The following RIT2 variants were observed in gnomAD, a reference collection of about 807,000 sequenced individuals.
RIT2 encodes GTP-binding protein Rit2.
RIT2 carries 24 observed loss-of-function variants against 23.7 expected under a neutral mutation model. The ratio of observed to expected loss-of-function variants is 1.01; its 90% CI spans 0.73 to 1.43. The LOEUF (loss-of-function observed/expected upper bound fraction) is 1.43, where lower values mean the gene tolerates loss of function less well. Among genes scored for constraint, RIT2 ranks in the 40% most tolerant of loss-of-function variants. RIT2 has a pLI of 0.00. For synonymous variants in RIT2, 107 were observed against 91.1 expected (o/e 1.17, Z -0.99); for missense variants, 236 against 266.9 (o/e 0.88, Z 0.81).
intron 3 of RIT2, among the ~76,000 whole-genome samples, chr18:42,937,982 G>A (rs541500225): frequency 6.6e-6 from 1 of 152,190 alleles, no homozygotes; most frequent in Admixed American, 6.5e-5. Flanking sequence ...TGGCTGTGGG[G>A]GATTACTTTG....
intron 2 of RIT2, among the ~76,000 whole-genome samples, chr18:42,984,808 C>T (rs889592001): frequency 3.9e-5 from 6 of 151,956 alleles, no homozygotes; most frequent in Non-Finnish European, 7.4e-5. Flanking sequence ...CTAAACAAAA[C>T]CGAAAGCTAA....
chr18:42,860,121 A>G (rs1408830688), intron 4 of RIT2, among the ~76,000 whole-genome samples: 2 of 152,184 alleles, frequency 1.3e-5, no homozygotes, highest in African/African-American at 4.8e-5. Flanking sequence ...TCCAACTCCA[A>G]CCCAGGACAA....
At chr18:42,967,250 A>T (rs1048123156) in intron 3 of RIT2, among the ~76,000 whole-genome samples, 6 of 152,200 alleles carry the variant, frequency 3.9e-5, no homozygotes, top group African/African-American at 1.4e-4. Context: ...CAACACTGTG[A>T]TTGGCTTCTA....
intron 3 of RIT2, among the ~76,000 whole-genome samples, chr18:42,965,061 T>C (rs1405029423): frequency 6.6e-6 from 1 of 152,212 alleles, no homozygotes; most frequent in Non-Finnish European, 1.5e-5. Context: ...ACATCTTGGC[T>C]ATGTTGCAAA....
At chr18:42,989,657 T>G (rs1469834275) in intron 2 of RIT2, among the ~76,000 whole-genome samples, 1 of 152,172 alleles carries the variant, frequency 6.6e-6, no homozygotes, top group African/African-American at 2.4e-5. Context: ...AAAGCCCACA[T>G]AGCTCATGGT....
intron 4 of RIT2, among the ~76,000 whole-genome samples, chr18:42,748,043 C>A (rs1912959059): frequency 6.6e-6 from 1 of 151,986 alleles, no homozygotes; most frequent in Non-Finnish European, 1.5e-5. Flanking sequence ...ATACTTGGGA[C>A]TTAATTAAAC....
At chr18:42,791,195 TTTC>T (rs1431837497) in intron 4 of RIT2, among the ~76,000 whole-genome samples, 3 of 152,218 alleles carry the variant, frequency 2.0e-5, no homozygotes, top group East Asian at 1.9e-4. Flanking sequence ...ATAATCTAAT[TTTC>T]TTTTTTTCTT....
At chr18:42,999,648 T>G (rs1911060295) in intron 2 of RIT2, among the ~76,000 whole-genome samples, 1 of 152,040 alleles carries the variant, frequency 6.6e-6, no homozygotes, top group Non-Finnish European at 1.5e-5. Context: ...AGAAACTGAA[T>G]GTGAAACAGT....
intron 2 of RIT2, among the ~76,000 whole-genome samples, chr18:42,982,077 G>A (rs748579232): frequency 6.6e-6 from 1 of 152,138 alleles, no homozygotes; most frequent in Non-Finnish European, 1.5e-5. Context: ...TTTCACAAAT[G>A]CAGATGTACA....
At chr18:43,035,112 T>C (rs535725955) in intron 1 of RIT2, among the ~76,000 whole-genome samples, 3 of 152,350 alleles carry the variant, frequency 2.0e-5, no homozygotes, top group African/African-American at 7.2e-5. Flanking sequence ...CAGAGAAGAC[T>C]TAGTTACATT....
At chr18:43,031,425 T>A (rs1328300585) in intron 2 of RIT2, among the ~76,000 whole-genome samples, 1 of 151,904 alleles carries the variant, frequency 6.6e-6, no homozygotes, top group East Asian at 1.9e-4. Flanking sequence ...CCATTCTACC[T>A]GAGTCAGTGT....
At chr18:42,994,971 C>T (rs866578051) in intron 2 of RIT2, among the ~76,000 whole-genome samples, 1 of 152,166 alleles carries the variant, frequency 6.6e-6, no homozygotes. Context: ...CCGGATACCA[C>T]ACCTGACCTG....
At position 42,787,331 on chromosome 18, in the gene RIT2, C is replaced by T. The variant is rs150988038; in HGVS notation, c.427-43611G>A. On this transcript the variant is annotated intron_variant, in intron 4 of 4. Transcript: ENST00000326695. ...AACTCATACTTTTTTATGTAAATGGCGAGTTAATGGGTGCAGCACACCAAC... is the reference window on the plus strand; with the variant it reads ...AACTCATACTTTTTTATGTAAATGGTGAGTTAATGGGTGCAGCACACCAAC... Among the ~76,000 whole-genome samples the T allele has an allele frequency of 4.0e-3, 609 of 151,522 alleles. 2 individuals carry two copies. Among genetic ancestry groups the T allele is most frequent in the Admixed American group, 6.9e-3 (105 of 15,216 alleles).
At chr18:43,105,161 G>T (rs1913783430) in intron 1 of RIT2, among the ~76,000 whole-genome samples, 1 of 147,654 alleles carries the variant, frequency 6.8e-6, no homozygotes, top group African/African-American at 2.5e-5. Context: ...TTTGTGTGTG[G>T]TATGGGTCAA....
intron 3 of RIT2, among the ~76,000 whole-genome samples, chr18:42,963,561 A>G (rs1910141459): frequency 6.6e-6 from 1 of 152,178 alleles, no homozygotes; most frequent in South Asian, 2.1e-4. Flanking sequence ...TTTTTATAAT[A>G]CCTTTCTTTG....
chr18:43,074,039 G>T (rs1173799952), intron 1 of RIT2, among the ~76,000 whole-genome samples: 1 of 151,990 alleles, frequency 6.6e-6, no homozygotes, highest in African/African-American at 2.4e-5. Flanking sequence ...GTGAAAAAAT[G>T]GGTAGTTTTA....
chr18:42,769,207 C>T (rs968832984), intron 4 of RIT2, among the ~76,000 whole-genome samples: 1 of 152,118 alleles, frequency 6.6e-6, no homozygotes, highest in African/African-American at 2.4e-5. Context: ...TCGTTAGGGG[C>T]TCTGAGTCCA....
chr18:43,000,091 C>G (rs187621009), intron 2 of RIT2, among the ~76,000 whole-genome samples: 33 of 152,162 alleles, frequency 2.2e-4, no homozygotes, highest in Non-Finnish European at 3.1e-4. Context: ...GACTTGCAAT[C>G]TCAGTTGACA....
intron 1 of RIT2, among the ~76,000 whole-genome samples, chr18:43,096,948 A>G (rs1913568572): frequency 6.6e-6 from 1 of 151,916 alleles, no homozygotes; most frequent in African/African-American, 2.4e-5. Flanking sequence ...ATGAAGGGAT[A>G]AAGAGCTTCA....
Sources: gnomAD v4.1 joint callset for allele counts (sites outside exome capture counted in the v4.1 genomes callset) on GRCh38, gnomAD v4.1.1 for gene constraint, MANE v1.5 for transcripts, NCBI Gene and HGNC (gene_info 2026-07-23, HGNC 2026-07-21) for gene names.